The following PRDM15 variants were observed in gnomAD, a reference collection of about 807,000 sequenced individuals.
PRDM15 encodes PR/SET domain 15.
Under a neutral mutation model 128.6 loss-of-function variants are expected in PRDM15, and 64 were observed. That is an observed-to-expected ratio of 0.50 (90% confidence interval 0.41 to 0.61). The LOEUF (loss-of-function observed/expected upper bound fraction) is 0.61, where lower values mean the gene tolerates loss of function less well. Among genes scored for constraint, PRDM15 ranks in the 20% least tolerant of loss-of-function variants. The pLI is 0.00. For missense variants in PRDM15, 1,242 were observed against 1,569.1 expected (o/e 0.79, Z 3.52); for synonymous variants, 615 against 621.8 (o/e 0.99, Z 0.16).
chr21:41,802,243 G>A (rs903898794), intron 23 of PRDM15, among the ~76,000 whole-genome samples: 6 of 152,208 alleles, frequency 3.9e-5, no homozygotes, highest in Non-Finnish European at 7.3e-5. Flanking sequence ...AACACTCAGA[G>A]GCTTCAAAAG....
chr21:41,819,206 C>T (rs1374118101), intron 18 of PRDM15, among the ~76,000 whole-genome samples: 2 of 152,230 alleles, frequency 1.3e-5, no homozygotes, highest in Non-Finnish European at 2.9e-5. Flanking sequence ...CTATGGGCTT[C>T]CAGGGCCACA....
chr21:41,810,464 C>T lies in PRDM15; in HGVS notation c.2477-135G>A, dbSNP rs1158578618. The T allele has an allele frequency of 1.6e-5, 16 of 984,820 alleles. No homozygotes were observed. Among genetic ancestry groups the T allele is most frequent in the South Asian group, 3.1e-5 (2 of 63,566 alleles). 61.0% of individuals were successfully genotyped at this position (984,820 alleles called of 1,614,324 possible). A position where few individuals can be genotyped will look rare whatever the true frequency, so the allele number is the denominator to read the frequency against. On this transcript the variant is annotated intron_variant, in intron 20 of 23. Coordinates refer to ENST00000398548, the MANE Select transcript of PRDM15 (RefSeq NM_001040424.3). This position sits in a 1 kb window ranked among gnomAD's most constrained non-coding sequence, Gnocchi z 6.4. ...CACGCCCCGCCCATCCTGAGAGGGC[C>T]GGTGCTGGTCCCCGAGCACACATGA...
At position 41,862,072 on chromosome 21, in the gene PRDM15, G is replaced by T; in HGVS notation, c.-9-1700C>A. ...GGATGGGGGCTCAGCTGGGCAGTGA[G>T]CAGGAGATGAACAGGACAAAGGGCA... On this transcript the variant is annotated intron_variant, in intron 1 of 23. Coordinates refer to ENST00000398548, the MANE Select transcript of PRDM15 (RefSeq NM_001040424.3). The surrounding 1 kb of genome is among the most constrained non-coding windows in gnomAD (Gnocchi z 4.1). The T allele has an allele frequency of 8.5e-7, 1 of 1,181,204 alleles. No individual in the cohort carries two copies. The highest frequency in any genetic ancestry group is 1.3e-6 in the Non-Finnish European group (1 of 799,696). The allele number at this position is 1,181,204 out of a possible 1,614,324, so 73.2% of individuals were successfully genotyped here.
At position 41,861,977 on chromosome 21, in the gene PRDM15, T is replaced by C; in HGVS notation, c.-9-1605A>G. 3 of 1,613,732 alleles carry C rather than the reference T, an allele frequency of 1.9e-6. No individual in the cohort carries two copies. The highest frequency in any genetic ancestry group is 1.7e-6 in the Non-Finnish European group (2 of 1,179,860). On this transcript the variant is annotated intron_variant, in intron 1 of 23. Coordinates refer to ENST00000398548, the MANE Select transcript of PRDM15 (RefSeq NM_001040424.3). ...CTCTAGCAAGTGTGACTCAGTTTCA[T>C]AGCCGCATTCGGCCTTGCCTGCCCC...
chr21:41,806,090 CCAT>C (rs2061579923), intron 21 of PRDM15, among the ~76,000 whole-genome samples: 5 of 27,180 alleles, frequency 1.8e-4, no homozygotes, highest in Non-Finnish European at 1.7e-4. Context: ...ACCACCACCA[CCAT>C]CACCACCACC....
intron 1 of PRDM15, among the ~76,000 whole-genome samples, chr21:41,878,346 C>CA (rs1454526053): frequency 3.3e-5 from 5 of 152,108 alleles, no homozygotes; most frequent in Non-Finnish European, 7.4e-5. Context: ...AATTTCTGAG[C>CA]ATTTGTGGGG....
chr21:41,853,113 C>T (rs1399168214), intron 5 of PRDM15, among the ~76,000 whole-genome samples: 1 of 152,232 alleles, frequency 6.6e-6, no homozygotes, highest in Non-Finnish European at 1.5e-5. Flanking sequence ...CGTGTGGCCT[C>T]CAGCACTGCG....
intron 1 of PRDM15, chr21:41,861,662 C>T (rs1485032177): frequency 6.2e-7 from 1 of 1,614,020 alleles, no homozygotes; most frequent in African/African-American, 1.3e-5. Flanking sequence ...TCCACACGCC[C>T]TCCACCCCGC....
At position 41,801,546 on chromosome 21, in the gene PRDM15, G is replaced by A; in HGVS notation, c.3120C>T (p.Ile1040=). The A allele has an allele frequency of 6.2e-7, 1 of 1,614,222 alleles. No individual in the cohort carries two copies. Among genetic ancestry groups the A allele is most frequent in the Non-Finnish European group, 8.5e-7 (1 of 1,180,032 alleles). The change falls in exon 24 of 24, where the codon ATC becomes ATT. Residue 1040 remains isoleucine (I), a synonymous_variant. Coordinates refer to ENST00000398548, the MANE Select transcript of PRDM15 (RefSeq NM_001040424.3). ...PERQLQLDNS[I]LTVTFDTVSG... ...TGACGGTATCAAAGGTCACGGTCAGGATTGAGTTGTCCAGCTGTAACTGGC... is the reference window on the plus strand; with the variant it reads ...TGACGGTATCAAAGGTCACGGTCAGAATTGAGTTGTCCAGCTGTAACTGGC...
rs764999126 is a variant in PRDM15 at position 41,839,669 on chromosome 21, G to T, written c.825C>A (p.Ser275=). The T allele has an allele frequency of 6.2e-6, 10 of 1,614,196 alleles. No individual in the cohort carries two copies. The South Asian group carries it at 1.1e-4, about 18-fold the overall frequency. The change falls in exon 7 of 24, where the codon TCC becomes TCA. Residue 275 remains serine (S), a synonymous_variant. Transcript: ENST00000398548. ...CGATGACTAGAGGCTGCTCAGCTTT[G>T]GACACTTTGGGTTTTCTCCCCCTTC... The part of the protein sequence containing the change: ...KPRRGRKPKV[S]KAEQPLVIVE...
Position 41,820,091 on chromosome 21 carries a change from G to C in PRDM15, c.2140+4C>G. 1 of 1,613,156 alleles carries C rather than the reference G, an allele frequency of 6.2e-7. No individual in the cohort carries two copies. The highest frequency in any genetic ancestry group is 8.5e-7 in the Non-Finnish European group (1 of 1,179,304). On this transcript the variant is annotated splice_donor_region_variant and intron_variant, in intron 17 of 23. Transcript: ENST00000398548. ...CGGGACCCCAAATGCTGACAGACAC[G>C]CACCTGTGTGGATGAGCTTGTGGCG...
chr21:41,808,871 G>A (rs2061765129), intron 21 of PRDM15, among the ~76,000 whole-genome samples: 1 of 152,202 alleles, frequency 6.6e-6, no homozygotes, highest in African/African-American at 2.4e-5. Flanking sequence ...GTTGGAATAG[G>A]GGTTGGAATA....
chr21:41,837,089 T>C (rs1236280113), intron 8 of PRDM15, among the ~76,000 whole-genome samples: 1 of 152,194 alleles, frequency 6.6e-6, no homozygotes, highest in Non-Finnish European at 1.5e-5. Flanking sequence ...AGATAAAGTA[T>C]AAATAAATAA....
Position 41,810,305 on chromosome 21 carries a change from A to AC in PRDM15, c.2500dup (p.Val834GlyfsTer59). Reference sequence around the variant, plus strand: ...CTCGGTCACGTACTTCTTGTCGCACACGGAGCACGTCCACTGCTTGCCCAC... The same window carrying AC: ...CTCGGTCACGTACTTCTTGTCGCACACCGGAGCACGTCCACTGCTTGCCCAC... On this transcript the variant is annotated frameshift_variant, in exon 21 of 24. Coordinates refer to ENST00000398548, the MANE Select transcript of PRDM15 (RefSeq NM_001040424.3). LOFTEE classifies it high-confidence loss of function. The surrounding 1 kb of genome is among the most constrained non-coding windows in gnomAD (Gnocchi z 6.4). The AC allele has an allele frequency of 6.2e-7, 1 of 1,613,500 alleles. No homozygotes were observed. Among genetic ancestry groups the AC allele is most frequent in the Non-Finnish European group, 8.5e-7 (1 of 1,179,926 alleles).
chr21:41,837,888 G>A (rs1321154152), intron 8 of PRDM15, 46 bp downstream of exon 8: 7 of 1,609,906 alleles, frequency 4.3e-6, no homozygotes, highest in Non-Finnish European at 5.9e-6. Context: ...GCTGCTGCCA[G>A]CATTGTCTGT....
chr21:41,799,240 T>G lies in PRDM15; in HGVS notation c.*2000A>C, dbSNP rs2061363666. On this transcript the variant is annotated 3_prime_UTR_variant, in exon 24 of 24. Transcript: ENST00000398548. Reference sequence around the variant, plus strand: ...TCTGCGAGGTCATTTGCCCTTTAGATTCTGCAAAGGCAAAAAGAAATCGAT... The same window carrying G: ...TCTGCGAGGTCATTTGCCCTTTAGAGTCTGCAAAGGCAAAAAGAAATCGAT... 6.6e-6 allele frequency: 1 copy of G among 152,198 alleles called. No individual in the cohort carries two copies. The highest frequency in any genetic ancestry group is 2.1e-4 in the South Asian group (1 of 4,822). The allele number at this position is 152,198 out of a possible 1,614,324, so 9.4% of individuals were successfully genotyped here.
chr21:41,854,732 C>T lies in PRDM15; in HGVS notation c.372G>A (p.Ala124=), dbSNP rs763570687. The change falls in exon 5 of 24, where the codon GCG becomes GCA. Residue 124 remains alanine, a synonymous_variant. Coordinates refer to ENST00000398548, the MANE Select transcript of PRDM15 (RefSeq NM_001040424.3). The surrounding 1 kb of genome is among the most constrained non-coding windows in gnomAD (Gnocchi z 4.6). ...CNWMMLVRPA[A]EAEHQNLTAY... ...CCGTCAGGTTCTGGTGCTCGGCCTC[C>T]GCCGCTGGCCGCACCAGCATCATCC... 1.8e-5 allele frequency: 29 copies of T among 1,613,094 alleles called. No individual in the cohort carries two copies. Among genetic ancestry groups the T allele is most frequent in the Middle Eastern group, 1.6e-4 (1 of 6,082 alleles).
chr21:41,802,998 GC>G (rs2061458079), intron 22 of PRDM15, 77 bp from the exon 23 acceptor site: 1 of 1,109,942 alleles, frequency 9.0e-7, no homozygotes. Context: ...CCCCAGCACT[GC>G]CCTGGACACA....
chr21:41,865,890 A>G (rs1225132301), intron 1 of PRDM15, among the ~76,000 whole-genome samples: 1 of 152,088 alleles, frequency 6.6e-6, no homozygotes, highest in Non-Finnish European at 1.5e-5. Flanking sequence ...GACTACAGGC[A>G]CGCACCACCA....
Sources: allele counts gnomAD v4.1 joint callset (sites outside exome capture counted in the v4.1 genomes callset), GRCh38; gene constraint gnomAD v4.1.1; non-coding constraint Gnocchi (gnomAD v3.1); transcripts MANE v1.5; gene names NCBI Gene and HGNC (gene_info 2026-07-23, HGNC 2026-07-21).